The following FCRL1 variants were observed in gnomAD, a reference collection of about 807,000 sequenced individuals.
The protein encoded by FCRL1 is Fc receptor-like protein 1.
Under a neutral mutation model 49.2 loss-of-function variants are expected in FCRL1, and 34 were observed. The ratio of observed to expected loss-of-function variants is 0.69; its 90% CI spans 0.53 to 0.92. The LOEUF (loss-of-function observed/expected upper bound fraction) is 0.92. Among genes scored for constraint, FCRL1 ranks in the 40% least tolerant of loss-of-function variants. The pLI is 0.00. For missense variants in FCRL1, 524 were observed against 524.1 expected (o/e 1.00, Z 0.00); for synonymous variants, 218 against 201.6 (o/e 1.08, Z -0.69).
chr1:157,813,974 A>G (rs969952299), intron 1 of FCRL1, among the ~76,000 whole-genome samples: 11 of 152,176 alleles, frequency 7.2e-5, no homozygotes, highest in South Asian at 6.2e-4. Flanking sequence ...CAAGAATACT[A>G]TACACAGAAA....
In FCRL1 at chr1:157,804,101, C is replaced by A; in HGVS notation, c.63G>T (p.Leu21Phe). ...CTGTGGGATGGGAGGGGCTGGCTAT[C>A]AAAAACAGCTCTAGAGAGAGGAATT... ...APLCEPAELF[L>F]IASPSHPTEG... The change falls in exon 3 of 11, where the codon TTG becomes TTT. Residue 21 changes from leucine (L) to phenylalanine (F), a missense_variant. Transcript: ENST00000368176. 1 of 1,613,722 alleles carries A rather than the reference C, an allele frequency of 6.2e-7. No homozygotes were observed. The highest frequency in any genetic ancestry group is 2.2e-5 in the East Asian group (1 of 44,868).
chr1:157,809,963 G>C (rs920276795), intron 1 of FCRL1, among the ~76,000 whole-genome samples: 2 of 151,418 alleles, frequency 1.3e-5, no homozygotes, highest in African/African-American at 4.9e-5. Flanking sequence ...CTGAAAAGTA[G>C]CAGATACTGA....
chr1:157,801,952 C>A lies in FCRL1; in HGVS notation c.849G>T (p.Gly283=), dbSNP rs778517964. Residue 283 remains glycine (G), a synonymous_variant, in exon 5 of 11, where the codon GGG becomes GGT. Coordinates refer to ENST00000368176, the MANE Select transcript of FCRL1 (RefSeq NM_052938.5). Reference sequence around the variant, plus strand: ...GTGTCACCGCCTCACTGCGCTGGGCCCCCAGGCCATTGTTGGCCTCACAGG... The same window carrying A: ...GTGTCACCGCCTCACTGCGCTGGGCACCCAGGCCATTGTTGGCCTCACAGG... ...NYSCEANNGL[G]AQRSEAVTLN... 6 of 1,614,082 alleles carry A rather than the reference C, an allele frequency of 3.7e-6. No homozygotes were observed. The highest frequency in any genetic ancestry group is 5.1e-6 in the Non-Finnish European group (6 of 1,180,032).
At chr1:157,802,214 T>C (rs1231699767) in intron 4 of FCRL1, 21 bp from the exon 5 acceptor site, 1 of 1,604,592 alleles carries the variant, frequency 6.2e-7, no homozygotes, top group Non-Finnish European at 8.5e-7. Context: ...CAGTAGACTG[T>C]AAGAGACAGT....
chr1:157,807,159 C>CA, intron 1 of FCRL1, 37 bp from the exon 2 acceptor site: 1 of 1,599,308 alleles, frequency 6.3e-7, no homozygotes, highest in African/African-American at 1.3e-5. Flanking sequence ...TACAGAGCAG[C>CA]AAATCCCACA....
At chr1:157,798,383 A>G in intron 7 of FCRL1, 140 bp from the exon 8 acceptor site, 1 of 706,362 alleles carries the variant, frequency 1.4e-6, no homozygotes, top group Non-Finnish European at 2.3e-6. Flanking sequence ...TAGAAGGCAC[A>G]GCAGTGTGGT....
chr1:157,799,767 T>G (rs1652129591), intron 7 of FCRL1, among the ~76,000 whole-genome samples: 1 of 151,926 alleles, frequency 6.6e-6, no homozygotes, highest in Non-Finnish European at 1.5e-5. Flanking sequence ...GTTGTGCACA[T>G]GTACCCTAAA....
intron 2 of FCRL1, among the ~76,000 whole-genome samples, chr1:157,804,458 T>C (rs1258458221): frequency 6.6e-6 from 1 of 152,236 alleles, no homozygotes; most frequent in Non-Finnish European, 1.5e-5. Context: ...GGAGTCGGCA[T>C]TGGAGATGAT....
chr1:157,819,009 G>A (rs930581647), intron 1 of FCRL1, among the ~76,000 whole-genome samples: 5 of 152,270 alleles, frequency 3.3e-5, no homozygotes, highest in South Asian at 2.1e-4. Flanking sequence ...ATTCGTGGTA[G>A]GGGAAGAGAA....
chr1:157,807,525 G>A (rs918258713), intron 1 of FCRL1, among the ~76,000 whole-genome samples: 9 of 152,062 alleles, frequency 5.9e-5, no homozygotes, highest in African/African-American at 1.2e-4. Flanking sequence ...CATTCCCACC[G>A]CCTCCTTTCA....
chr1:157,815,090 C>T (rs964427991), intron 1 of FCRL1, among the ~76,000 whole-genome samples: 4 of 151,920 alleles, frequency 2.6e-5, no homozygotes, highest in African/African-American at 7.2e-5. Flanking sequence ...TTAAACTACA[C>T]GCTAGACAAA....
intron 1 of FCRL1, among the ~76,000 whole-genome samples, chr1:157,813,344 T>C (rs370760994): frequency 2.0e-5 from 3 of 152,266 alleles, no homozygotes; most frequent in East Asian, 1.9e-4. Context: ...AAAAGTTCAA[T>C]AAAATCTGGA....
At chr1:157,796,984 G>T (rs946542993) in intron 10 of FCRL1, 117 bp downstream of exon 10, 5 of 910,162 alleles carry the variant, frequency 5.5e-6, no homozygotes, top group Non-Finnish European at 8.9e-6. Context: ...TGGGATGTAG[G>T]GAAGAGGTAG....
chr1:157,814,160 G>C (rs1397432366), intron 1 of FCRL1, among the ~76,000 whole-genome samples: 1 of 152,114 alleles, frequency 6.6e-6, no homozygotes, highest in Non-Finnish European at 1.5e-5. Flanking sequence ...TTAACTAATA[G>C]AGGTAAATTG....
Position 157,797,110 on chromosome 1 carries a change from C to T in FCRL1, c.1209G>A (p.Met403Ile), listed in dbSNP as rs1651624819. ...CAATAGAGACTCTTACCTTGTCCTCCATATGTGTCCCCAGGGTTTCTGCTG... is the reference window on the plus strand; with the variant it reads ...CAATAGAGACTCTTACCTTGTCCTCTATATGTGTCCCCAGGGTTTCTGCTG... ...SVAAETLGTH[M>I]EDKVSLDIYS... The change falls in exon 10 of 11, where the codon ATG (methionine) becomes ATA (isoleucine). Residue 403 changes from methionine (M) to isoleucine (I), a missense_variant. By Grantham distance (10) the Met-to-Ile change is conservative. Coordinates refer to ENST00000368176, the MANE Select transcript of FCRL1 (RefSeq NM_052938.5). The T allele has an allele frequency of 6.2e-7, 1 of 1,613,842 alleles. No homozygotes were observed. The highest frequency in any genetic ancestry group is 1.3e-5 in the African/African-American group (1 of 74,924).
chr1:157,803,207 T>C (rs1357310320), intron 3 of FCRL1, among the ~76,000 whole-genome samples: 1 of 152,198 alleles, frequency 6.6e-6, no homozygotes, highest in Non-Finnish European at 1.5e-5. Context: ...GTGGTGGTGG[T>C]CCAGTTTCAC....
chr1:157,797,814 C>G, intron 9 of FCRL1, 54 bp downstream of exon 9: 1 of 1,613,686 alleles, frequency 6.2e-7, no homozygotes, highest in Non-Finnish European at 8.5e-7. Context: ...TGATTGTTCT[C>G]TTGGTTCTGG....
chr1:157,801,319 T>A (rs909710216), intron 6 of FCRL1, 142 bp downstream of exon 6: 15 of 669,148 alleles, frequency 2.2e-5, no homozygotes, highest in Non-Finnish European at 4.1e-5. Context: ...GCACTGTTCC[T>A]ACCCGCTGGC....
chr1:157,814,885 G>C (rs1654821023), intron 1 of FCRL1, among the ~76,000 whole-genome samples: 1 of 151,832 alleles, frequency 6.6e-6, no homozygotes, highest in Admixed American at 6.6e-5. Flanking sequence ...TGATAAGGGG[G>C]TGAATTCATC....
Sources: allele counts gnomAD v4.1 joint callset (sites outside exome capture counted in the v4.1 genomes callset), GRCh38; gene constraint gnomAD v4.1.1; transcripts MANE v1.5; gene names NCBI Gene and HGNC (gene_info 2026-07-23, HGNC 2026-07-21).